LIPJ: variants seen among roughly 807,000 people sequenced by gnomAD.
The protein encoded by LIPJ is lipase family member J.
In LIPJ, 33 loss-of-function variants were observed where a neutral mutation model predicts 39.8. That is an observed-to-expected ratio of 0.83 (90% CI 0.63 to 1.11). LIPJ has a LOEUF of 1.11. Ranked by LOEUF, LIPJ falls within the 50% of genes least tolerant of loss-of-function variation. LIPJ has a pLI of 0.00. For missense variants in LIPJ, 422 were observed against 427.9 expected, an observed-to-expected ratio of 0.99 and a Z score of 0.12; for synonymous variants, 128 against 139.2, an observed-to-expected ratio of 0.92 and a Z score of 0.57.
the LIPJ span, among the ~76,000 whole-genome samples, chr10:88,613,083 T>C: frequency 1.3e-5 from 2 of 152,062 alleles, no homozygotes; most frequent in East Asian, 3.9e-4. Context: ...GTAATCAAAA[T>C]TGGATGTTTT....
At chr10:88,616,024 C>T in the LIPJ span, among the ~76,000 whole-genome samples, 1 of 152,076 alleles carries the variant, frequency 6.6e-6, no homozygotes, top group Non-Finnish European at 1.5e-5. Context: ...CCAGCTTGGG[C>T]AACATAGCAA....
At chr10:88,606,289 A>G (rs1380147738) in intron 10 of LIPJ, among the ~76,000 whole-genome samples, 1 of 152,210 alleles carries the variant, frequency 6.6e-6, no homozygotes, top group African/African-American at 2.4e-5. Context: ...TGAAGATCAA[A>G]TTCAAAGAGA....
chr10:88,597,034 C>A, intron 8 of LIPJ, 98 bp downstream of exon 8: 1 of 667,156 alleles, frequency 1.5e-6, no homozygotes, highest in Non-Finnish European at 2.5e-6. Flanking sequence ...TTTTGTGTTT[C>A]ATCCACATAC....
At chr10:88,612,844 C>G in the LIPJ span, among the ~76,000 whole-genome samples, 1 of 152,070 alleles carries the variant, frequency 6.6e-6, no homozygotes, top group South Asian at 2.1e-4. Flanking sequence ...AGAAAATCAA[C>G]AAAGAAACAA....
chr10:88,605,736 TACTG>T, intron 10 of LIPJ, 32 bp downstream of exon 10: 1 of 1,423,332 alleles, frequency 7.0e-7, no homozygotes, highest in Non-Finnish European at 9.9e-7. Flanking sequence ...CTCTCTACCT[TACTG>T]ACTTTTTCAG....
intron 9 of LIPJ, among the ~76,000 whole-genome samples, chr10:88,605,386 A>G (rs1160155246): frequency 2.0e-5 from 3 of 152,174 alleles, no homozygotes; most frequent in Non-Finnish European, 2.9e-5. Context: ...TCTGGGTAGA[A>G]AAAGGCCCTG....
chr10:88,614,896 T>C, the LIPJ span, among the ~76,000 whole-genome samples: 1 of 152,186 alleles, frequency 6.6e-6, no homozygotes. Context: ...CATACATGTA[T>C]GGTCATCTGA....
chr10:88,592,926 T>C (rs1188878351), intron 4 of LIPJ: 1 of 151,914 alleles, frequency 6.6e-6, no homozygotes, highest in African/African-American at 2.4e-5. Flanking sequence ...CACCATCTAT[T>C]CTAGCTTTCT....
downstream of LIPJ, among the ~76,000 whole-genome samples, chr10:88,609,714 C>A (rs999556785): frequency 1.3e-5 from 2 of 152,076 alleles, no homozygotes; most frequent in African/African-American, 4.8e-5. Flanking sequence ...TCCTGGCCAA[C>A]ATGGTGAAAC....
intron 9 of LIPJ, among the ~76,000 whole-genome samples, chr10:88,604,352 G>A (rs1349207532): frequency 2.0e-5 from 3 of 152,196 alleles, no homozygotes; most frequent in African/African-American, 7.2e-5. Context: ...TTTTGAGCAG[G>A]AAAGTGATAT....
chr10:88,594,174 T>G, intron 5 of LIPJ, 30 bp downstream of exon 5: 1 of 1,536,946 alleles, frequency 6.5e-7, no homozygotes, highest in Non-Finnish European at 8.9e-7. Context: ...ACATTTCATT[T>G]TATAAGTGTA....
the LIPJ span, among the ~76,000 whole-genome samples, chr10:88,621,622 G>A: frequency 6.6e-6 from 1 of 152,060 alleles, no homozygotes; most frequent in Non-Finnish European, 1.5e-5. Flanking sequence ...AAAACTTATA[G>A]AACTGTACCC....
the LIPJ span, among the ~76,000 whole-genome samples, chr10:88,616,286 G>T: frequency 6.6e-6 from 1 of 152,290 alleles, no homozygotes; most frequent in African/African-American, 2.4e-5. Flanking sequence ...CGCGGGGAAA[G>T]CCTCCCAGGC....
chr10:88,604,235 T>C (rs1288649436), intron 9 of LIPJ, among the ~76,000 whole-genome samples: 2 of 152,128 alleles, frequency 1.3e-5, no homozygotes, highest in African/African-American at 4.8e-5. Context: ...ATTTGGAACA[T>C]GGAAACTTAG....
At position 88,596,185 on chromosome 10, in the gene LIPJ, T is replaced by C. The variant is rs999646549; in HGVS notation, c.440-95T>C. On this transcript the variant is annotated intron_variant, in intron 6 of 10. Coordinates refer to ENST00000371939, the Ensembl canonical transcript of LIPJ. ...AAATAAGTTAATTGTTCAGAAACTA[T>C]TTTTGAACTTACTCTTATTCTCCTT... is the stretch of plus-strand genomic sequence containing the variant. The C allele has an allele frequency of 7.2e-6, 6 of 834,648 alleles. No homozygotes were observed. The African/African-American group carries it at 1.1e-4, about 15-fold the overall frequency. The allele number at this position is 834,648 out of a possible 1,614,324, so 51.7% of individuals were successfully genotyped here. A position where few individuals can be genotyped will look rare whatever the true frequency, so the allele number is the denominator to read the frequency against.
chr10:88,616,528 T>C, the LIPJ span, among the ~76,000 whole-genome samples: 4 of 152,232 alleles, frequency 2.6e-5, no homozygotes, highest in African/African-American at 4.8e-5. Flanking sequence ...CCCGACCTGC[T>C]GAGGCCCTCA....
chr10:88,609,322 A>G (rs1851723075), downstream of LIPJ, among the ~76,000 whole-genome samples: 1 of 152,244 alleles, frequency 6.6e-6, no homozygotes, highest in South Asian at 2.1e-4. Context: ...AAACCTTGGC[A>G]CTAAAATAGT....
At chr10:88,607,722 A>C (rs1851701375), downstream of LIPJ, among the ~76,000 whole-genome samples, 1 of 152,230 alleles carries the variant, frequency 6.6e-6, no homozygotes, top group Non-Finnish European at 1.5e-5. Flanking sequence ...CAACACATAT[A>C]ATAGGAAGCA....
intron 10 of LIPJ, 87 bp downstream of exon 10, chr10:88,605,791 C>A (rs77367044): frequency 3.7e-6 from 3 of 800,350 alleles, no homozygotes; most frequent in East Asian, 5.0e-5. Flanking sequence ...TAAATCCCCA[C>A]AGTACAATAA....
Sources: gnomAD v4.1 joint callset for allele counts (sites outside exome capture counted in the v4.1 genomes callset) on GRCh38, gnomAD v4.1.1 for gene constraint, MANE v1.5 for transcripts, NCBI Gene and HGNC (gene_info 2026-07-23, HGNC 2026-07-21) for gene names.